The following SNRK variants were observed in gnomAD, a reference collection of about 807,000 sequenced individuals.
SNRK encodes SNF-related serine/threonine-protein kinase.
In SNRK, 3 loss-of-function variants were observed where a neutral mutation model predicts 48.2. That is an observed-to-expected ratio of 0.06 (90% CI 0.03 to 0.16). SNRK has a LOEUF of 0.16. SNRK is among the 10% of genes least tolerant of loss of function. SNRK has a pLI of 1.00. For missense variants in SNRK, 627 were observed against 976.0 expected (o/e 0.64, Z 4.76); for synonymous variants, 376 against 366.1 (o/e 1.03, Z -0.31).
intron 3 of SNRK, among the ~76,000 whole-genome samples, chr3:43,311,919 G>A (rs975992101): frequency 6.6e-6 from 1 of 152,114 alleles, no homozygotes; most frequent in South Asian, 2.1e-4. Context: ...TCTAAAATGG[G>A]AAAATTGTTT....
chr3:43,307,146 T>C (rs188799039), intron 3 of SNRK, among the ~76,000 whole-genome samples: 18 of 152,344 alleles, frequency 1.2e-4, no homozygotes, highest in African/African-American at 4.3e-4. Context: ...TCTGTGAATT[T>C]TGTAATTTAA....
Position 43,349,679 on chromosome 3 carries a change from C to G in SNRK, c.*1122C>G, listed in dbSNP as rs1390640243. On this transcript the variant is annotated 3_prime_UTR_variant, in exon 7 of 7. Coordinates refer to ENST00000296088, the MANE Select transcript of SNRK (RefSeq NM_017719.5). ...CTTTTTTTTCTGGAATTGTTTTTCA[C>G]TTTGCCTTTTTCTGCCAAAACAATA... The G allele has an allele frequency of 6.6e-6, 1 of 152,214 alleles. No homozygotes were observed. The highest frequency in any genetic ancestry group is 1.5e-5 in the Non-Finnish European group (1 of 68,030). The allele number at this position is 152,214 out of a possible 1,614,324, so 9.4% of individuals were successfully genotyped here. A position where few individuals can be genotyped will look rare whatever the true frequency, so the allele number is the denominator to read the frequency against.
intron 3 of SNRK, among the ~76,000 whole-genome samples, chr3:43,310,792 A>C (rs1221747232): frequency 6.6e-6 from 1 of 152,204 alleles, no homozygotes; most frequent in East Asian, 1.9e-4. Context: ...GTAGAACTAC[A>C]TTTCATTGAT....
intron 4 of SNRK, among the ~76,000 whole-genome samples, chr3:43,336,403 C>T (rs2091189070): frequency 6.6e-6 from 1 of 152,140 alleles, no homozygotes; most frequent in African/African-American, 2.4e-5. Flanking sequence ...TCATACATAG[C>T]TCACTGCAGC....
rs1229072462 is a variant in SNRK at position 43,348,239 on chromosome 3, G to A, written c.1980G>A (p.Gly660=). Reference sequence around the variant, plus strand: ...TCTGCCTCGGCTCCCAGCTTCATGGGAGCACCAAGTACATTATTGATCCAC... The same window carrying A: ...TCTGCCTCGGCTCCCAGCTTCATGGAAGCACCAAGTACATTATTGATCCAC... ...MSLCLGSQLH[G]STKYIIDPQN... Residue 660 remains glycine, a synonymous_variant, in exon 7 of 7, where the codon GGG becomes GGA. Coordinates refer to ENST00000296088, the MANE Select transcript of SNRK (RefSeq NM_017719.5). 6.2e-7 allele frequency: 1 copy of A among 1,613,926 alleles called. No individual in the cohort carries two copies. The highest frequency in any genetic ancestry group is 1.7e-5 in the Admixed American group (1 of 59,988).
intron 3 of SNRK, among the ~76,000 whole-genome samples, chr3:43,307,685 ATCTCTC>A (rs145070630): frequency 1.3e-5 from 2 of 150,362 alleles, no homozygotes; most frequent in Admixed American, 1.3e-4. Flanking sequence ...CCATTCCCCC[ATCTCTC>A]TCTCTCTCTG....
intron 6 of SNRK, among the ~76,000 whole-genome samples, chr3:43,345,238 C>A (rs1457387129): frequency 1.3e-5 from 2 of 152,212 alleles, no homozygotes; most frequent in Non-Finnish European, 2.9e-5. Flanking sequence ...TGTCTCCTGA[C>A]TTGCCTTCTC....
intron 3 of SNRK, among the ~76,000 whole-genome samples, chr3:43,313,666 CAAAT>C (rs1301017767): frequency 5.3e-5 from 8 of 152,112 alleles, no homozygotes; most frequent in Non-Finnish European, 5.9e-5. Flanking sequence ...ACTACATACA[CAAAT>C]AAATACATGT....
chr3:43,325,489 A>T (rs1034506224), intron 3 of SNRK, among the ~76,000 whole-genome samples: 1 of 152,094 alleles, frequency 6.6e-6, no homozygotes, highest in Non-Finnish European at 1.5e-5. Flanking sequence ...TTTAACATCA[A>T]CTTAAGAAAA....
chr3:43,344,604 A>G (rs1248215735), intron 6 of SNRK, among the ~76,000 whole-genome samples: 1 of 152,170 alleles, frequency 6.6e-6, no homozygotes, highest in Non-Finnish European at 1.5e-5. Flanking sequence ...AAGATTTAGA[A>G]GTCTAGTTTA....
intron 3 of SNRK, among the ~76,000 whole-genome samples, chr3:43,305,531 G>A (rs915280710): frequency 6.9e-6 from 1 of 145,808 alleles, no homozygotes; most frequent in Non-Finnish European, 1.5e-5. Flanking sequence ...CACCCAGGCT[G>A]GAGTGCAGTG....
At chr3:43,298,757 C>CAG (rs2090876687) in intron 1 of SNRK, among the ~76,000 whole-genome samples, 1 of 152,238 alleles carries the variant, frequency 6.6e-6, no homozygotes. Context: ...CTACCTTGGT[C>CAG]AGTATTCCCT....
intron 1 of SNRK, among the ~76,000 whole-genome samples, chr3:43,292,239 A>G (rs879345002): frequency 1.3e-5 from 2 of 152,272 alleles, no homozygotes; most frequent in Non-Finnish European, 2.9e-5. Context: ...AGATCTATTA[A>G]GCCACAACAA....
In SNRK at chr3:43,303,800, A is replaced by G. The variant is rs1446296714; in HGVS notation, c.589+8A>G. On this transcript the variant is annotated splice_region_variant and intron_variant, in intron 3 of 6. Transcript: ENST00000296088. The surrounding 1 kb of genome is among the most constrained non-coding windows in gnomAD (Gnocchi z 6.2). ...ATGATGCACCTGCAGTAGGTAGGTA[A>G]CCTCGGTCCAGTATTTGGCCATTTG... 6.3e-7 allele frequency: 1 copy of G among 1,584,560 alleles called. No individual in the cohort carries two copies. The highest frequency in any genetic ancestry group is 2.2e-5 in the East Asian group (1 of 44,686).
chr3:43,338,807 G>T (rs1187087167), intron 4 of SNRK, among the ~76,000 whole-genome samples: 4 of 151,910 alleles, frequency 2.6e-5, no homozygotes, highest in African/African-American at 9.7e-5. Context: ...GCCCTATTTA[G>T]TTTTTTCTCA....
chr3:43,310,426 T>C (rs978307181), intron 3 of SNRK, among the ~76,000 whole-genome samples: 6 of 152,216 alleles, frequency 3.9e-5, no homozygotes, highest in African/African-American at 1.4e-4. Flanking sequence ...AGAATCCGTT[T>C]GTTTTTACTT....
At position 43,350,612 on chromosome 3, in the gene SNRK, G is replaced by A. The variant is rs2091315766; in HGVS notation, c.*2055G>A. The A allele has an allele frequency of 6.6e-6, 1 of 152,552 alleles. No individual in the cohort carries two copies. Among genetic ancestry groups the A allele is most frequent in the Non-Finnish European group, 1.5e-5 (1 of 68,040 alleles). The allele number at this position is 152,552 out of a possible 1,614,324, so 9.4% of individuals were successfully genotyped here. On this transcript the variant is annotated 3_prime_UTR_variant, in exon 7 of 7. Coordinates refer to ENST00000296088, the MANE Select transcript of SNRK (RefSeq NM_017719.5). ...TGGTTGACCCTTGGGGTATACAAAT[G>A]TCAGTCTGAGTGGTGTCTTACTCCT...
At chr3:43,343,040 T>C (rs539791514) in intron 5 of SNRK, among the ~76,000 whole-genome samples, 1 of 15,214 alleles carries the variant, frequency 6.6e-5, no homozygotes, top group Admixed American at 1.2e-3. Context: ...TTTTGAATAA[T>C]GCGTGCACTT....
intron 3 of SNRK, among the ~76,000 whole-genome samples, chr3:43,330,604 A>C (rs1305644626): frequency 6.6e-6 from 1 of 152,226 alleles, no homozygotes; most frequent in Non-Finnish European, 1.5e-5. Flanking sequence ...TGGCTATTTA[A>C]AGAATAGATG....
Sources: allele counts gnomAD v4.1 joint callset (sites outside exome capture counted in the v4.1 genomes callset), GRCh38; gene constraint gnomAD v4.1.1; non-coding constraint Gnocchi (gnomAD v3.1); transcripts MANE v1.5; gene names NCBI Gene and HGNC (gene_info 2026-07-23, HGNC 2026-07-21).